Variants in OSBPL7 observed in about 807,000 individuals in gnomAD.
The protein encoded by OSBPL7 is oxysterol binding protein like 7.
A neutral mutation model predicts 115.8 loss-of-function variants in OSBPL7; 66 were observed. The observed-to-expected ratio is 0.57, with a 90% CI of 0.47 to 0.70. OSBPL7 has a LOEUF of 0.70. Ranked by LOEUF, OSBPL7 falls within the 30% of genes least tolerant of loss-of-function variation. The pLI is 0.00. For missense variants in OSBPL7, 902 were observed against 1,125.5 expected (o/e 0.80, Z 2.84); for synonymous variants, 441 against 439.2 (o/e 1.00, Z -0.05).
rs138568099 is a variant in OSBPL7, at chr17:47,815,525, T to G, written c.1120-173A>C. The G allele has an allele frequency of 8.0e-4, 611 of 763,142 alleles. 3 individuals carry two copies. In the African/African-American group the frequency reaches 0.01, roughly 13 times the overall value. 47.3% of individuals were successfully genotyped at this position (763,142 alleles called of 1,614,324 possible). A position where few individuals can be genotyped will look rare whatever the true frequency, so the allele number is the denominator to read the frequency against. On this transcript the variant is annotated intron_variant, in intron 12 of 22. Transcript: ENST00000007414. ...GAGGAGTGAGAGCGGGACAAAGGCA[T>G]AGTAAAATGAGCCCTGGCCTGGGAG...
intron 13 of OSBPL7, chr17:47,815,012 T>C: frequency 1.5e-6 from 1 of 676,934 alleles, no homozygotes; most frequent in South Asian, 2.2e-5. Flanking sequence ...GGGATACAAA[T>C]GTCACACTCC....
At position 47,820,038 on chromosome 17, in the gene OSBPL7, A is replaced by T. The variant is rs776262801; in HGVS notation, c.134T>A (p.Val45Asp). The T allele has an allele frequency of 1.2e-6, 2 of 1,611,652 alleles. No individual in the cohort carries two copies. Among genetic ancestry groups the T allele is most frequent in the Non-Finnish European group, 1.7e-6 (2 of 1,179,848 alleles). ...GTGACCTTCCTGCCTCTCAGGCATG[A>T]CACCCTCTGTCCCCAGCCTGACCCG... ...EPRVRLGTEGVMPERQEGHLL... is the reference protein window; with the variant it reads ...EPRVRLGTEGDMPERQEGHLL... The change falls in exon 3 of 23, where the codon GTC becomes GAC. Residue 45 changes from valine to aspartate, a missense_variant. Coordinates refer to ENST00000007414, the MANE Select transcript of OSBPL7 (RefSeq NM_145798.3).
chr17:47,811,696 G>C (rs921374411), intron 16 of OSBPL7, among the ~76,000 whole-genome samples: 2 of 152,172 alleles, frequency 1.3e-5, no homozygotes, highest in Non-Finnish European at 1.5e-5. Context: ...AGTGGGTCAG[G>C]GGGGCGATTC....
rs943569290 is a variant in OSBPL7, at chr17:47,816,316, C to A, written c.1023+72G>T. 20 of 1,484,308 alleles carry A rather than the reference C, an allele frequency of 1.3e-5. No homozygotes were observed. Among genetic ancestry groups the A allele is most frequent in the Middle Eastern group, 2.4e-4 (1 of 4,210 alleles). The allele number at this position is 1,484,308 out of a possible 1,614,324, so 91.9% of individuals were successfully genotyped here. A position where few individuals can be genotyped will look rare whatever the true frequency, so the allele number is the denominator to read the frequency against. Reference sequence around the variant, plus strand: ...CCCCACCCTGACCCAGATCTGCTATCGGACCCCAGGCTGGCAGTCCTCAGC... The same window carrying A: ...CCCCACCCTGACCCAGATCTGCTATAGGACCCCAGGCTGGCAGTCCTCAGC... On this transcript the variant is annotated intron_variant, in intron 11 of 22. Transcript: ENST00000007414. The surrounding 1 kb of genome is among the most constrained non-coding windows in gnomAD (Gnocchi z 5.8).
rs750731952 is a variant in OSBPL7 at position 47,817,328 on chromosome 17, T to C, written c.630A>G (p.Glu210=). ...ELSECQGKLQ[E]LHRLLQSLES... is the part of the protein sequence containing the mutation. Reference sequence around the variant, plus strand: ...CCAGGCTCTGGAGGAGCCTGTGTAGTTCCTGGAGCTTCCCCTGACACTCAG... The same window carrying C: ...CCAGGCTCTGGAGGAGCCTGTGTAGCTCCTGGAGCTTCCCCTGACACTCAG... The change falls in exon 8 of 23, where the codon GAA becomes GAG. Residue 210 remains glutamate (E), a synonymous_variant. Transcript: ENST00000007414. 9 of 1,604,296 alleles carry C rather than the reference T, an allele frequency of 5.6e-6. No individual in the cohort carries two copies. The highest frequency in any genetic ancestry group is 1.8e-5 in the Admixed American group (1 of 56,544).
chr17:47,820,235 G>A lies in OSBPL7; in HGVS notation c.44C>T (p.Ala15Val), dbSNP rs1489513356. ...AGCACTGCTGGGCTTTGAGGACTGA[G>A]CGCTCTCAGGCAGGAAGGGCGGGTC... ...ERDPPFLPES[A>V]QSSKPSSAQQ... The change falls in exon 2 of 23, where the codon GCT becomes GTT. Residue 15 changes from alanine (A) to valine (V), a missense_variant. By Grantham distance (64) the Ala-to-Val change is moderately conservative (BLOSUM62 0). Coordinates refer to ENST00000007414, the MANE Select transcript of OSBPL7 (RefSeq NM_145798.3). The A allele has an allele frequency of 1.5e-5, 25 of 1,614,046 alleles. No individual in the cohort carries two copies. Among genetic ancestry groups the A allele is most frequent in the Non-Finnish European group, 2.1e-5 (25 of 1,180,000 alleles).
Position 47,809,169 on chromosome 17 carries a change from G to A in OSBPL7, c.2077C>T (p.Arg693Trp), listed in dbSNP as rs766489476. 13 of 1,614,020 alleles carry A rather than the reference G, an allele frequency of 8.1e-6. No individual in the cohort carries two copies. Among genetic ancestry groups the A allele is most frequent in the South Asian group, 3.3e-5 (3 of 91,082 alleles). ...AGTCGGTGGAGGACACGGCCACTCCGACTGAGCACAGCGCCCTGCACCTCG... is the reference window on the plus strand; with the variant it reads ...AGTCGGTGGAGGACACGGCCACTCCAACTGAGCACAGCGCCCTGCACCTCG... ...VHEVQGAVLS[R>W]SGRVLHRLFG... Residue 693 changes from arginine (R) to tryptophan (W), a missense_variant, in exon 20 of 23, where the codon CGG (arginine) becomes TGG (tryptophan). Coordinates refer to ENST00000007414, the MANE Select transcript of OSBPL7 (RefSeq NM_145798.3).
intron 3 of OSBPL7, 72 bp from the exon 4 acceptor site, chr17:47,819,854 CA>C (rs1028759292): frequency 4.3e-6 from 7 of 1,610,350 alleles, no homozygotes; most frequent in Non-Finnish European, 5.9e-6. Context: ...GGCAACCACA[CA>C]AATTAGCTTT....
Position 47,813,720 on chromosome 17 carries a change from T to C in OSBPL7, c.1466A>G (p.Lys489Arg), listed in dbSNP as rs1567941275. The C allele has an allele frequency of 6.2e-7, 1 of 1,613,370 alleles. No individual in the cohort carries two copies. Among genetic ancestry groups the C allele is most frequent in the East Asian group, 2.2e-5 (1 of 44,890 alleles). ...LWNILRNNIGKDLSKVSMPVQ... is the reference protein window; with the variant it reads ...LWNILRNNIGRDLSKVSMPVQ... The stretch of plus-strand genomic sequence containing the variant: ...AGGCATTGACACCTTGGACAGGTCT[T>C]TGCCGATGTTGTTGCGCAGAATGTT... Residue 489 changes from lysine to arginine, a missense_variant, in exon 15 of 23, where the codon AAA (lysine) becomes AGA (arginine). By Grantham distance (26) the Lys-to-Arg change is conservative. Around this residue, in one of 3 missense-constraint regions of OSBPL7, gnomAD observed 667 missense variants for 788.7 expected, o/e 0.85. Coordinates refer to ENST00000007414, the MANE Select transcript of OSBPL7 (RefSeq NM_145798.3).
intron 1 of OSBPL7, 80 bp from the exon 2 acceptor site, chr17:47,820,445 G>A (rs1423157367): frequency 4.7e-6 from 3 of 636,772 alleles, no homozygotes; most frequent in Non-Finnish European, 8.1e-6. Flanking sequence ...CACCCTCTGA[G>A]ATAAGGGCTC....
Position 47,808,415 on chromosome 17 carries a change from G to A in OSBPL7, c.2421-16C>T, listed in dbSNP as rs369387521. 1.2e-5 allele frequency: 20 copies of A among 1,613,960 alleles called. No individual in the cohort carries two copies. The highest frequency in any genetic ancestry group is 1.6e-5 in the Non-Finnish European group (19 of 1,179,836). On this transcript the variant is annotated splice_polypyrimidine_tract_variant and intron_variant, in intron 22 of 22. Coordinates refer to ENST00000007414, the MANE Select transcript of OSBPL7 (RefSeq NM_145798.3). The surrounding 1 kb of genome is among the most constrained non-coding windows in gnomAD (Gnocchi z 6.1). ...CGTCTGCCGCCTGGTGGGAGAAGGC[G>A]GTGGCAGTGAGGGGTGAACATCTAG...
At position 47,816,520 on chromosome 17, in the gene OSBPL7, G is replaced by T; in HGVS notation, c.929-38C>A. The stretch of plus-strand genomic sequence containing the variant: ...GGGCAGACCATCAGAGTCCTCGCTC[G>T]CTCCTGTCCGCTCCCCACCAGCCCC... On this transcript the variant is annotated intron_variant, in intron 10 of 22. Coordinates refer to ENST00000007414, the MANE Select transcript of OSBPL7 (RefSeq NM_145798.3). The surrounding 1 kb of genome is among the most constrained non-coding windows in gnomAD (Gnocchi z 5.8). 6.3e-7 allele frequency: 1 copy of T among 1,574,944 alleles called. No individual in the cohort carries two copies. Among genetic ancestry groups the T allele is most frequent in the Non-Finnish European group, 8.6e-7 (1 of 1,160,162 alleles).
At position 47,808,471 on chromosome 17, in the gene OSBPL7, C is replaced by A. The variant is rs773479937; in HGVS notation, c.2420+67G>T. On this transcript the variant is annotated intron_variant, in intron 22 of 22. Transcript: ENST00000007414. This position sits in a 1 kb window ranked among gnomAD's most constrained non-coding sequence, Gnocchi z 6.1. ...AGGCTAGGGTCCTAAGGTGCTGCCT[C>A]CCACACCTGCCCTGCTCCAAGCAGG... 63 of 1,613,742 alleles carry A rather than the reference C, an allele frequency of 3.9e-5. No homozygotes were observed. Among genetic ancestry groups the A allele is most frequent in the Non-Finnish European group, 5.1e-5 (60 of 1,179,778 alleles).
At chr17:47,813,474 C>T in intron 15 of OSBPL7, 71 bp from the exon 16 acceptor site, 1 of 1,602,846 alleles carries the variant, frequency 6.2e-7, no homozygotes, top group Non-Finnish European at 8.5e-7. Context: ...AGTATGGGAT[C>T]TTGGGGTGGA....
In OSBPL7 at chr17:47,816,075, A is replaced by G; in HGVS notation, c.1119+32T>C. ...TCGCTGGGAGAGAAGGCACAGGAGA[A>G]TCGGCCCCCACAGCCCACCCTGGCT... On this transcript the variant is annotated intron_variant, in intron 12 of 22. Transcript: ENST00000007414. This position sits in a 1 kb window ranked among gnomAD's most constrained non-coding sequence, Gnocchi z 5.8. The G allele has an allele frequency of 6.6e-7, 1 of 1,523,182 alleles. No individual in the cohort carries two copies. Among genetic ancestry groups the G allele is most frequent in the Non-Finnish European group, 8.9e-7 (1 of 1,128,780 alleles). 94.4% of individuals were successfully genotyped at this position (1,523,182 alleles called of 1,614,324 possible).
chr17:47,808,156 G>T lies in OSBPL7; in HGVS notation c.*135C>A, dbSNP rs1008755059. The T allele has an allele frequency of 2.4e-5, 16 of 662,460 alleles. No individual in the cohort carries two copies. The highest frequency in any genetic ancestry group is 7.2e-5 in the South Asian group (4 of 55,448). The allele number at this position is 662,460 out of a possible 1,614,324, so 41.0% of individuals were successfully genotyped here. On this transcript the variant is annotated 3_prime_UTR_variant, in exon 23 of 23. Coordinates refer to ENST00000007414, the MANE Select transcript of OSBPL7 (RefSeq NM_145798.3). This position sits in a 1 kb window ranked among gnomAD's most constrained non-coding sequence, Gnocchi z 6.1. ...GATGCAGACCCTCTGGCCAGCAGAGGGGAGGGAGGGCCAGGGCTGCCCCTT... is the reference window on the plus strand; with the variant it reads ...GATGCAGACCCTCTGGCCAGCAGAGTGGAGGGAGGGCCAGGGCTGCCCCTT...
rs539981736 is a variant in OSBPL7 at position 47,815,464 on chromosome 17, T to C, written c.1120-112A>G. ...AGAGGGAGGCATAACCGGGCACTTT[T>C]GCTGAGTCAGACACCTTCTGAGCAG... On this transcript the variant is annotated intron_variant, in intron 12 of 22. Transcript: ENST00000007414. The C allele has an allele frequency of 1.1e-4, 153 of 1,423,604 alleles. No homozygotes were observed. In the South Asian group the frequency reaches 1.9e-3, roughly 17 times the overall value. 88.2% of individuals were successfully genotyped at this position (1,423,604 alleles called of 1,614,324 possible).
rs1376747409 is a variant in OSBPL7, at chr17:47,808,591, G to C, written c.2367C>G (p.Asp789Glu). Residue 789 changes from aspartate to glutamate, a missense_variant, in exon 22 of 23, where the codon GAC (aspartate) becomes GAG (glutamate). This residue lies in a region of OSBPL7 where 230 missense variants were observed against 312.7 expected (regional missense o/e 0.74). Transcript: ENST00000007414. The surrounding 1 kb of genome is among the most constrained non-coding windows in gnomAD (Gnocchi z 6.1). ...QKRRIEQLQR[D>E]RRKVMEENNI... ...TGTTTTCCTCCATGACTTTGCGCCT[G>C]TCTCGCTGCAGCTGCTCGATCCTTC... The C allele has an allele frequency of 1.9e-6, 3 of 1,614,118 alleles. No homozygotes were observed. The highest frequency in any genetic ancestry group is 2.5e-6 in the Non-Finnish European group (3 of 1,180,038).
intron 18 of OSBPL7, 129 bp from the exon 19 acceptor site, chr17:47,809,607 T>C: frequency 2.0e-6 from 2 of 1,025,042 alleles, no homozygotes. Context: ...ACTCCAGTTC[T>C]GCAGTGAAGG....
Sources: allele counts gnomAD v4.1 joint callset (sites outside exome capture counted in the v4.1 genomes callset), GRCh38; gene constraint gnomAD v4.1.1; regional missense constraint gnomAD v4.1.1; non-coding constraint Gnocchi (gnomAD v3.1); transcripts MANE v1.5; gene names NCBI Gene and HGNC (gene_info 2026-07-23, HGNC 2026-07-21).